The following MCM6 variants were observed in gnomAD, a reference collection of about 807,000 sequenced individuals.
The protein encoded by MCM6 is DNA replication licensing factor MCM6.
In MCM6, 46 loss-of-function variants were observed where a neutral mutation model predicts 94.3. That is an observed-to-expected ratio of 0.49 (90% CI 0.39 to 0.62). The LOEUF is 0.62. Among genes scored for constraint, MCM6 ranks in the 20% least tolerant of loss-of-function variants. MCM6 has a pLI of 0.00. For missense variants in MCM6, 865 were observed against 1,017.9 expected, an observed-to-expected ratio of 0.85 and a Z score of 2.04; for synonymous variants, 335 against 351.9, an observed-to-expected ratio of 0.95 and a Z score of 0.54.
chr2:135,868,053 A>AAC (rs2105590228), intron 4 of MCM6, among the ~76,000 whole-genome samples: 2 of 151,958 alleles, frequency 1.3e-5, no homozygotes, highest in South Asian at 4.2e-4. Flanking sequence ...AAACAAAACA[A>AAC]ACACACACCC....
chr2:135,853,044 ACC>A, intron 11 of MCM6, 129 bp from the exon 12 acceptor site: 1 of 715,086 alleles, frequency 1.4e-6, no homozygotes, highest in Non-Finnish European at 2.2e-6. Flanking sequence ...ATTAATGGGT[ACC>A]AAGTTTCTGA....
intron 4 of MCM6, among the ~76,000 whole-genome samples, chr2:135,867,784 T>C (rs952552940): frequency 6.6e-6 from 1 of 152,060 alleles, no homozygotes; most frequent in Non-Finnish European, 1.5e-5. Flanking sequence ...CCCAGCACTT[T>C]GGGAGGCAGA....
intron 11 of MCM6, 133 bp downstream of exon 11, chr2:135,856,595 C>T (rs989022784): frequency 1.7e-5 from 14 of 829,590 alleles, no homozygotes; most frequent in Admixed American, 5.7e-5. Flanking sequence ...ACCCTTTGTC[C>T]GATCCTGTGC....
intron 2 of MCM6, 46 bp from the exon 3 acceptor site, chr2:135,870,407 C>T: frequency 7.5e-7 from 1 of 1,334,276 alleles, no homozygotes; most frequent in Non-Finnish European, 1.1e-6. Context: ...TTTACCAAGG[C>T]CTCCTTCCCT....
chr2:135,842,038 G>T (rs945085040), intron 16 of MCM6, among the ~76,000 whole-genome samples: 5 of 152,136 alleles, frequency 3.3e-5, no homozygotes, highest in Admixed American at 6.5e-5. Flanking sequence ...CCAGAAGGCG[G>T]AAGTTGCGGC....
chr2:135,858,554 C>T (rs143325394), intron 9 of MCM6, among the ~76,000 whole-genome samples: 48 of 152,242 alleles, frequency 3.2e-4, no homozygotes, highest in African/African-American at 1.1e-3. Flanking sequence ...ACCACAGGGA[C>T]TCTTCTATTC....
chr2:135,869,144 T>G (rs1680155211), intron 3 of MCM6, among the ~76,000 whole-genome samples: 2 of 152,172 alleles, frequency 1.3e-5, no homozygotes, highest in Admixed American at 6.5e-5. Context: ...GACTCACACC[T>G]GTAATCCCAG....
intron 6 of MCM6, among the ~76,000 whole-genome samples, chr2:135,865,662 G>C (rs1558761835): frequency 6.6e-6 from 1 of 151,756 alleles, no homozygotes; most frequent in Non-Finnish European, 1.5e-5. Flanking sequence ...AAAACAGCGT[G>C]GATAATTTGT....
At chr2:135,873,080 G>A (rs180918196) in intron 1 of MCM6, among the ~76,000 whole-genome samples, 1 of 152,260 alleles carries the variant, frequency 6.6e-6, no homozygotes, top group East Asian at 1.9e-4. Context: ...GTTAATTGAA[G>A]CATGGGGACA....
intron 2 of MCM6, 28 bp from the exon 3 acceptor site, chr2:135,870,389 C>T (rs1680178630): frequency 6.5e-7 from 1 of 1,528,888 alleles, no homozygotes; most frequent in Admixed American, 1.7e-5. Flanking sequence ...CAGCTGATAC[C>T]TTAGAGGTTT....
At chr2:135,841,973 CGG>C (rs1558752182) in intron 16 of MCM6, among the ~76,000 whole-genome samples, 3 of 151,884 alleles carry the variant, frequency 2.0e-5, no homozygotes, top group African/African-American at 7.3e-5. Context: ...GGAGTGGTGG[CGG>C]GCACCTGTAA....
intron 3 of MCM6, among the ~76,000 whole-genome samples, chr2:135,869,878 T>TCTGGATAAG (rs1680170799): frequency 6.6e-6 from 1 of 152,210 alleles, no homozygotes; most frequent in South Asian, 2.1e-4. Flanking sequence ...CACTAAACTT[T>TCTGGATAAG]CTGGATAAGT....
rs4988151 is a variant in MCM6, at chr2:135,873,744, A to G, written c.108-901T>C. On this transcript the variant is annotated intron_variant, in intron 1 of 16. Coordinates refer to ENST00000264156, the MANE Select transcript of MCM6 (RefSeq NM_005915.6). Reference sequence around the variant, plus strand: ...ACACTTTGTCTGCGTCTAGGGAGTTAGACATGTAAGCAATGAAGACAGACA... The same window carrying G: ...ACACTTTGTCTGCGTCTAGGGAGTTGGACATGTAAGCAATGAAGACAGACA... Among the ~76,000 whole-genome samples the G allele has an allele frequency of 6.3e-3, 957 of 152,354 alleles. 9 individuals carry two copies. The highest frequency in any genetic ancestry group is 0.017 in the South Asian group (81 of 4,822).
rs1160970207 is a variant in MCM6 at position 135,848,555 on chromosome 2, T to TA, written c.1918-368dup. 2.0e-5 allele frequency among the ~76,000 whole-genome samples: 3 copies of TA among 152,228 alleles called. No individual in the cohort carries two copies. The East Asian group carries it at 5.8e-4, about 29-fold the overall frequency. ...ATGTACTTGTAGAAATATAAACATA[T>TA]ATACATATCATATGAATCCAAAGAC... On this transcript the variant is annotated intron_variant, in intron 13 of 16. Coordinates refer to ENST00000264156, the MANE Select transcript of MCM6 (RefSeq NM_005915.6).
At position 135,844,652 on chromosome 2, in the gene MCM6, G is replaced by C; in HGVS notation, c.2242C>G (p.Leu748Val). The C allele has an allele frequency of 2.5e-6, 4 of 1,587,478 alleles. No homozygotes were observed. The highest frequency in any genetic ancestry group is 3.4e-6 in the Non-Finnish European group (4 of 1,169,412). ...ATTTCCTTCAAGTACCAGTTAACAA[G>C]CTCGCTCCTCTTTAATGCTGACTCG... ...EDESALKRSELVNWYLKEIES... is the reference protein window; with the variant it reads ...EDESALKRSEVVNWYLKEIES... The change falls in exon 16 of 17, where the codon CTT becomes GTT. Residue 748 changes from leucine (L) to valine (V), a missense_variant. Leu to Val is a conservative substitution (Grantham distance 32). Transcript: ENST00000264156.
intron 16 of MCM6, 39 bp downstream of exon 16, chr2:135,844,506 C>A: frequency 7.1e-7 from 1 of 1,416,780 alleles, no homozygotes; most frequent in Non-Finnish European, 9.2e-7. Flanking sequence ...TGAACTCCCT[C>A]CCTCCCTGAT....
chr2:135,869,020 G>A (rs567391951), intron 3 of MCM6, among the ~76,000 whole-genome samples, 160 bp from the exon 4 acceptor site: 62 of 152,118 alleles, frequency 4.1e-4, no homozygotes, highest in East Asian at 1.2e-3. Flanking sequence ...TAGTCAACGT[G>A]CCCAATCCTA....
At chr2:135,849,619 C>T (rs1352345794) in intron 13 of MCM6, among the ~76,000 whole-genome samples, 1 of 152,164 alleles carries the variant, frequency 6.6e-6, no homozygotes, top group East Asian at 1.9e-4. Flanking sequence ...ATTTAAACTA[C>T]AAAGCCCCAT....
intron 7 of MCM6, among the ~76,000 whole-genome samples, 169 bp from the exon 8 acceptor site, chr2:135,862,917 T>C (rs1443165383): frequency 6.6e-6 from 1 of 152,248 alleles, no homozygotes; most frequent in Non-Finnish European, 1.5e-5. Flanking sequence ...TCTTGTTCTG[T>C]GGACTTAGTC....
Sources: gnomAD v4.1 joint callset for allele counts (sites outside exome capture counted in the v4.1 genomes callset) on GRCh38, gnomAD v4.1.1 for gene constraint, MANE v1.5 for transcripts, NCBI Gene and HGNC (gene_info 2026-07-23, HGNC 2026-07-21) for gene names.